Variants in CDH4 observed in about 807,000 individuals in gnomAD.
CDH4 encodes cadherin 4.
A neutral mutation model predicts 86.0 loss-of-function variants in CDH4; 33 were observed. The ratio of observed to expected loss-of-function variants is 0.38; its 90% CI spans 0.29 to 0.51. The LOEUF is 0.51. CDH4 is among the 20% of genes least tolerant of loss of function. CDH4 has a pLI of 0.86. For missense variants in CDH4, 1,114 were observed against 1,307.4 expected, an observed-to-expected ratio of 0.85 and a Z score of 2.28; for synonymous variants, 555 against 549.4, an observed-to-expected ratio of 1.01 and a Z score of -0.14.
Position 61,766,240 on chromosome 20 carries a change from A to C in CDH4, c.397-6763A>C, listed in dbSNP as rs546685249. Among the ~76,000 whole-genome samples the C allele has an allele frequency of 2.8e-5, 4 of 141,844 alleles. No homozygotes were observed. In the East Asian group the frequency reaches 9.8e-4, roughly 35 times the overall value. 93.1% of individuals were successfully genotyped at this position (141,844 alleles called of 152,430 possible). Reference sequence around the variant, plus strand: ...TGGCCCCAGCTCTCCCTAGCCAGGCAATTTGGACAAATTCTTCCACTGGCC... The same window carrying C: ...TGGCCCCAGCTCTCCCTAGCCAGGCCATTTGGACAAATTCTTCCACTGGCC... On this transcript the variant is annotated intron_variant, in intron 3 of 15. Transcript: ENST00000614565.
At chr20:61,876,941 C>T (rs1984051807) in intron 7 of CDH4, among the ~76,000 whole-genome samples, 1 of 152,204 alleles carries the variant, frequency 6.6e-6, no homozygotes, top group African/African-American at 2.4e-5. Flanking sequence ...GTGGACCCCT[C>T]TTCATAGCTG....
chr20:61,406,370 ATCTGCTCTGCCCGGACCACTG>A, intron 2 of CDH4, among the ~76,000 whole-genome samples: 1 of 146,034 alleles, frequency 6.8e-6, no homozygotes, highest in Non-Finnish European at 1.5e-5. Context: ...ACCATCTGCC[ATCTGCTCTGCCCGGACCACTG>A]TCTGCTCTGC....
At chr20:61,638,017 AT>A (rs2086965819) in intron 2 of CDH4, among the ~76,000 whole-genome samples, 2 of 119,768 alleles carry the variant, frequency 1.7e-5, no homozygotes, top group South Asian at 5.9e-4. Flanking sequence ...GGCAACAAGA[AT>A]AAAACTCCGT....
At chr20:61,397,282 T>A (rs2145474457) in intron 2 of CDH4, among the ~76,000 whole-genome samples, 1 of 152,234 alleles carries the variant, frequency 6.6e-6, no homozygotes, top group East Asian at 1.9e-4. Flanking sequence ...TGGGTGAAGT[T>A]TCTTGCGACG....
chr20:61,401,667 G>T (rs1406437600), intron 2 of CDH4, among the ~76,000 whole-genome samples: 1 of 152,178 alleles, frequency 6.6e-6, no homozygotes, highest in Non-Finnish European at 1.5e-5. Context: ...TAGACTGCCA[G>T]CCTCTTCTCA....
intron 7 of CDH4, among the ~76,000 whole-genome samples, chr20:61,874,473 C>G (rs569562273): frequency 4.6e-5 from 7 of 152,320 alleles, no homozygotes; most frequent in Non-Finnish European, 8.8e-5. Flanking sequence ...GCTTTTGTGA[C>G]AGAGGCCTCC....
chr20:61,410,140 T>A (rs2085109209), intron 2 of CDH4, among the ~76,000 whole-genome samples: 1 of 152,246 alleles, frequency 6.6e-6, no homozygotes, highest in African/African-American at 2.4e-5. Context: ...TGGAGAAGCC[T>A]GGTGACATCT....
At position 61,840,605 on chromosome 20, in the gene CDH4, C is replaced by T. The variant is rs118106943; in HGVS notation, c.577-4063C>T. 1.3e-4 allele frequency among the ~76,000 whole-genome samples: 20 copies of T among 152,350 alleles called. No homozygotes were observed. In the East Asian group the frequency reaches 2.5e-3, roughly 19 times the overall value. On this transcript the variant is annotated intron_variant, in intron 4 of 15. Coordinates refer to ENST00000614565, the MANE Select transcript of CDH4 (RefSeq NM_001794.5). Reference sequence around the variant, plus strand: ...TCCTCTAATAACAAATGCGGAAGAGCGTGGGTCTCCACGGCATCCTAAGGC... The same window carrying T: ...TCCTCTAATAACAAATGCGGAAGAGTGTGGGTCTCCACGGCATCCTAAGGC...
At chr20:61,477,554 A>G (rs1412449680) in intron 2 of CDH4, among the ~76,000 whole-genome samples, 1 of 152,202 alleles carries the variant, frequency 6.6e-6, no homozygotes, top group East Asian at 1.9e-4. Flanking sequence ...CGGAGCGTGG[A>G]AGAAGGTCCA....
intron 3 of CDH4, among the ~76,000 whole-genome samples, chr20:61,749,126 A>T (rs1368253600): frequency 1.3e-5 from 2 of 152,228 alleles, no homozygotes; most frequent in Non-Finnish European, 2.9e-5. Flanking sequence ...AAAGCATTCT[A>T]TTCAAGGAGG....
At chr20:61,713,226 C>T (rs2087912085) in intron 2 of CDH4, among the ~76,000 whole-genome samples, 1 of 152,228 alleles carries the variant, frequency 6.6e-6, no homozygotes, top group Non-Finnish European at 1.5e-5. Flanking sequence ...CTGACCCCTG[C>T]ATGTCCTCCA....
At chr20:61,875,634 C>A (rs1983989691) in intron 7 of CDH4, among the ~76,000 whole-genome samples, 1 of 152,184 alleles carries the variant, frequency 6.6e-6, no homozygotes, top group Non-Finnish European at 1.5e-5. Context: ...TCCGAGTGAG[C>A]TGTGGTCAGT....
intron 9 of CDH4, 83 bp from the exon 10 acceptor site, chr20:61,923,368 G>A (rs1395102452): frequency 2.0e-5 from 28 of 1,419,112 alleles, no homozygotes; most frequent in Non-Finnish European, 2.8e-5. Context: ...GAGGGGTGGA[G>A]ACCAACCTTC....
At chr20:61,355,386 A>G (rs1017655593) in intron 2 of CDH4, among the ~76,000 whole-genome samples, 2 of 152,220 alleles carry the variant, frequency 1.3e-5, no homozygotes, top group Non-Finnish European at 2.9e-5. Flanking sequence ...GGTTCTTAGC[A>G]GTGACCTCGG....
intron 3 of CDH4, among the ~76,000 whole-genome samples, chr20:61,755,424 G>A (rs1261273021): frequency 1.6e-5 from 2 of 128,004 alleles, no homozygotes; most frequent in Non-Finnish European, 3.3e-5. Flanking sequence ...TACACACAGT[G>A]CACGTCACAC....
At chr20:61,788,289 T>C (rs1252792800) in intron 4 of CDH4, among the ~76,000 whole-genome samples, 1 of 151,880 alleles carries the variant, frequency 6.6e-6, no homozygotes, top group Non-Finnish European at 1.5e-5. Context: ...TGTGTGTATG[T>C]GAGGAGCTGG....
At chr20:61,685,320 T>C (rs1246503120) in intron 2 of CDH4, among the ~76,000 whole-genome samples, 1 of 152,196 alleles carries the variant, frequency 6.6e-6, no homozygotes, top group African/African-American at 2.4e-5. Flanking sequence ...TCAATTCATG[T>C]CTCAAAGCAA....
At chr20:61,435,975 C>G (rs1013461675) in intron 2 of CDH4, among the ~76,000 whole-genome samples, 5 of 152,122 alleles carry the variant, frequency 3.3e-5, no homozygotes, top group African/African-American at 1.2e-4. Context: ...CTCGCCTTCT[C>G]CAGTCTGGCC....
At chr20:61,730,797 C>T (rs1056500977) in intron 2 of CDH4, among the ~76,000 whole-genome samples, 37 of 152,100 alleles carry the variant, frequency 2.4e-4, no homozygotes, top group South Asian at 8.4e-4. Context: ...CTTCCAGAAA[C>T]GCCAGATCTA....
Sources: allele counts gnomAD v4.1 joint callset (sites outside exome capture counted in the v4.1 genomes callset), GRCh38; gene constraint gnomAD v4.1.1; transcripts MANE v1.5; gene names NCBI Gene and HGNC (gene_info 2026-07-23, HGNC 2026-07-21).